Variants in CDH13 observed in about 807,000 individuals in gnomAD.
The protein encoded by CDH13 is cadherin-13.
Under a neutral mutation model 63.8 loss-of-function variants are expected in CDH13, and 24 were observed. That is an observed-to-expected ratio of 0.38 (90% CI 0.27 to 0.53). The LOEUF (loss-of-function observed/expected upper bound fraction) is 0.53. CDH13 is among the 20% of genes least tolerant of loss of function. CDH13 has a pLI of 0.85. For synonymous variants in CDH13, 503 were observed against 355.3 expected (o/e 1.42, Z -4.67); for missense variants, 1,049 against 903.1 (o/e 1.16, Z -2.07).
chr16:83,414,520 C>T (rs936822740), intron 6 of CDH13, among the ~76,000 whole-genome samples: 7 of 151,898 alleles, frequency 4.6e-5, no homozygotes, highest in Admixed American at 1.3e-4. Flanking sequence ...TTGCTAGAAC[C>T]CCTTCATCTT....
chr16:83,476,668 G>C (rs1475136132), intron 6 of CDH13, among the ~76,000 whole-genome samples: 1 of 152,066 alleles, frequency 6.6e-6, no homozygotes, highest in Non-Finnish European at 1.5e-5. Context: ...GACAAAGCGA[G>C]ACTGTCTCAA....
intron 10 of CDH13, among the ~76,000 whole-genome samples, chr16:83,736,924 A>C (rs556755378): frequency 1.5e-4 from 23 of 152,326 alleles, no homozygotes; most frequent in African/African-American, 5.5e-4. Context: ...GGAGGTTTTC[A>C]GAGAAGATGT....
intron 10 of CDH13, among the ~76,000 whole-genome samples, chr16:83,683,253 G>T (rs1183402279): frequency 2.6e-5 from 4 of 152,198 alleles, no homozygotes; most frequent in Admixed American, 2.6e-4. Context: ...GTGGTCTAGT[G>T]ACAGATGAAA....
intron 1 of CDH13, among the ~76,000 whole-genome samples, chr16:82,636,975 A>G (rs1207947855): frequency 6.6e-6 from 1 of 152,218 alleles, no homozygotes; most frequent in African/African-American, 2.4e-5. Context: ...ACCTTCAGCA[A>G]GCAGCTTGAA....
intron 6 of CDH13, among the ~76,000 whole-genome samples, chr16:83,438,982 A>G (rs1035168604): frequency 1.3e-5 from 2 of 152,206 alleles, no homozygotes; most frequent in African/African-American, 4.8e-5. Context: ...AGCACCTGGC[A>G]TAGTTTTTAA....
chr16:82,996,721 T>C lies in CDH13; in HGVS notation c.158-35289T>C, dbSNP rs998040982. Reference sequence around the variant, plus strand: ...AAAATCATAATGAGAGTGATGATGATGATGATGGTAGTGATGATGATTATG... The same window carrying C: ...AAAATCATAATGAGAGTGATGATGACGATGATGGTAGTGATGATGATTATG... On this transcript the variant is annotated intron_variant, in intron 2 of 13. Transcript: ENST00000567109. Among the ~76,000 whole-genome samples the C allele has an allele frequency of 5.3e-5, 8 of 152,284 alleles. No homozygotes were observed. In the South Asian group the frequency reaches 1.7e-3, roughly 32 times the overall value.
chr16:83,198,921 A>G (rs1241593396), intron 4 of CDH13, among the ~76,000 whole-genome samples: 2 of 152,332 alleles, frequency 1.3e-5, no homozygotes, highest in Middle Eastern at 3.4e-3. Context: ...AAACTATAAA[A>G]AATATTCCTC....
chr16:83,712,907 A>AAAG (rs1371337992), intron 10 of CDH13, among the ~76,000 whole-genome samples: 1 of 152,244 alleles, frequency 6.6e-6, no homozygotes, highest in Non-Finnish European at 1.5e-5. Context: ...GATTTTTATT[A>AAAG]AAGTAGTAAA....
At chr16:83,070,785 C>T (rs907382281) in intron 3 of CDH13, among the ~76,000 whole-genome samples, 8 of 150,656 alleles carry the variant, frequency 5.3e-5, no homozygotes. Context: ...AAACCTAGTT[C>T]AGCAAAGGAG....
rs961375348 is a variant in CDH13 at position 83,799,372 on chromosome 16, A to G, written c.*4342A>G. On this transcript the variant is annotated 3_prime_UTR_variant, in exon 14 of 14. Coordinates refer to ENST00000567109, the MANE Select transcript of CDH13 (RefSeq NM_001257.5). ...AGAGTACCCATTCACTACCAAACCA[A>G]CTGAGGGGAGAGAAAACTGAGGGAG... 6.6e-6 allele frequency: 1 copy of G among 151,792 alleles called. No homozygotes were observed. The highest frequency in any genetic ancestry group is 2.4e-5 in the African/African-American group (1 of 41,288). 9.4% of individuals were successfully genotyped at this position (151,792 alleles called of 1,614,324 possible).
chr16:83,745,195 G>T (rs1912460058), intron 10 of CDH13, among the ~76,000 whole-genome samples: 1 of 152,184 alleles, frequency 6.6e-6, no homozygotes, highest in Non-Finnish European at 1.5e-5. Context: ...AAGGGAGGCT[G>T]CACCCCGAGG....
At chr16:82,776,310 G>GAGAAA (rs919238489) in intron 1 of CDH13, among the ~76,000 whole-genome samples, 3 of 151,986 alleles carry the variant, frequency 2.0e-5, no homozygotes, top group Admixed American at 1.3e-4. Context: ...GGAGAGAAAA[G>GAGAAA]AGAAAAGAAA....
intron 5 of CDH13, among the ~76,000 whole-genome samples, chr16:83,226,034 T>C (rs2039827926): frequency 6.6e-6 from 1 of 152,154 alleles, no homozygotes. Flanking sequence ...CACTTAAAAA[T>C]AGGAATTCTG....
chr16:83,134,200 T>A (rs2036173729), intron 4 of CDH13, among the ~76,000 whole-genome samples: 1 of 152,088 alleles, frequency 6.6e-6, no homozygotes, highest in Non-Finnish European at 1.5e-5. Context: ...GTAGATTTGT[T>A]TTTTTTCTTT....
intron 2 of CDH13, among the ~76,000 whole-genome samples, chr16:82,971,255 A>T (rs1908700494): frequency 6.6e-6 from 1 of 152,210 alleles, no homozygotes; most frequent in South Asian, 2.1e-4. Flanking sequence ...AGCTGATTTG[A>T]TAACAGCCGT....
intron 6 of CDH13, among the ~76,000 whole-genome samples, chr16:83,381,766 C>G (rs1222620747): frequency 2.0e-5 from 3 of 151,822 alleles, no homozygotes; most frequent in African/African-American, 7.3e-5. Flanking sequence ...CCTTCCTTTA[C>G]TAGATCCAGG....
intron 1 of CDH13, among the ~76,000 whole-genome samples, chr16:82,778,072 G>A (rs1351274478): frequency 6.6e-6 from 1 of 152,176 alleles, no homozygotes; most frequent in Admixed American, 6.5e-5. Flanking sequence ...CTCAGTGGAG[G>A]GGATTACACA....
At chr16:82,990,582 T>A (rs1290103722) in intron 2 of CDH13, among the ~76,000 whole-genome samples, 3 of 149,964 alleles carry the variant, frequency 2.0e-5, no homozygotes, top group Non-Finnish European at 4.4e-5. Flanking sequence ...AGTCTCACTT[T>A]ATCATCCAGG....
intron 10 of CDH13, among the ~76,000 whole-genome samples, chr16:83,728,084 A>G (rs1222468775): frequency 6.6e-6 from 1 of 152,198 alleles, no homozygotes; most frequent in Non-Finnish European, 1.5e-5. Flanking sequence ...GCGGCAACAC[A>G]TACTCAGATG....
Sources: allele counts gnomAD v4.1 joint callset (sites outside exome capture counted in the v4.1 genomes callset), GRCh38; gene constraint gnomAD v4.1.1; transcripts MANE v1.5; gene names NCBI Gene and HGNC (gene_info 2026-07-23, HGNC 2026-07-21).